CMSS1: variants seen among roughly 807,000 people sequenced by gnomAD.
CMSS1 encodes the protein protein CMSS1.
In CMSS1, 33 loss-of-function variants were observed where a neutral mutation model predicts 43.5. The observed-to-expected ratio is 0.76, with a 90% CI of 0.57 to 1.01. The LOEUF is 1.01. Among genes scored for constraint, CMSS1 ranks in the 50% least tolerant of loss-of-function variants. The pLI is 0.00. For missense variants in CMSS1, 313 were observed against 326.4 expected (o/e 0.96, Z 0.32); for synonymous variants, 115 against 117.2 (o/e 0.98, Z 0.12).
chr3:100,003,742 T>G lies in CMSS1; in HGVS notation c.65-143231T>G, dbSNP rs74480101. Reference sequence around the variant, plus strand: ...CTTGATCTAGTGTCTGCCTCTGTTGTTTGTTTACCCTTGAGATGCTAAAAG... The same window carrying G: ...CTTGATCTAGTGTCTGCCTCTGTTGGTTGTTTACCCTTGAGATGCTAAAAG... On this transcript the variant is annotated intron_variant, in intron 1 of 9. Transcript: ENST00000421999. 6.1e-3 allele frequency among the ~76,000 whole-genome samples: 934 copies of G among 152,292 alleles called. 6 individuals are homozygous for G. The highest frequency in any genetic ancestry group is 0.018 in the African/African-American group (740 of 41,562).
chr3:100,063,704 G>A (rs1163722862), intron 1 of CMSS1, among the ~76,000 whole-genome samples: 2 of 151,076 alleles, frequency 1.3e-5, no homozygotes, highest in African/African-American at 4.8e-5. Context: ...TGTGTGTTGG[G>A]TTTTTTTCTA....
intron 2 of CMSS1, among the ~76,000 whole-genome samples, chr3:100,157,243 A>G (rs965730651): frequency 2.6e-5 from 4 of 151,694 alleles, no homozygotes; most frequent in African/African-American, 7.3e-5. Flanking sequence ...ATTTGTTTTA[A>G]TGCTTAACTG....
intron 1 of CMSS1, chr3:99,848,871 C>T: frequency 6.2e-7 from 1 of 1,614,070 alleles, no homozygotes; most frequent in Non-Finnish European, 8.5e-7. Flanking sequence ...AGTTCGGTAT[C>T]ACTGCAGTAC....
intron 1 of CMSS1, among the ~76,000 whole-genome samples, chr3:99,971,164 C>A (rs561218866): frequency 6.6e-6 from 1 of 151,956 alleles, no homozygotes; most frequent in Non-Finnish European, 1.5e-5. Context: ...GGTGAAACCC[C>A]GTCTCTACTA....
intron 1 of CMSS1, among the ~76,000 whole-genome samples, chr3:100,042,805 TA>T (rs1201319171): frequency 6.6e-6 from 1 of 152,186 alleles, no homozygotes; most frequent in Non-Finnish European, 1.5e-5. Flanking sequence ...TTAAAGTTCC[TA>T]ACAATCGAGT....
At chr3:100,119,709 A>T (rs2066604317) in intron 1 of CMSS1, among the ~76,000 whole-genome samples, 1 of 152,242 alleles carries the variant, frequency 6.6e-6, no homozygotes, top group African/African-American at 2.4e-5. Context: ...GGTAAAAAAA[A>T]TAAGAAAATT....
intron 6 of CMSS1, among the ~76,000 whole-genome samples, chr3:100,170,220 G>T (rs2067098807): frequency 6.6e-6 from 1 of 152,090 alleles, no homozygotes; most frequent in Admixed American, 6.6e-5. Context: ...TCACTATTTT[G>T]CAAACTCATA....
At chr3:99,997,268 G>A (rs1017702217) in intron 1 of CMSS1, among the ~76,000 whole-genome samples, 2 of 152,090 alleles carry the variant, frequency 1.3e-5, no homozygotes, top group Non-Finnish European at 1.5e-5. Context: ...AATGATAAAA[G>A]GAGGCATTTT....
chr3:100,072,499 G>A (rs1351387414), intron 1 of CMSS1, among the ~76,000 whole-genome samples: 1 of 152,182 alleles, frequency 6.6e-6, no homozygotes, highest in Non-Finnish European at 1.5e-5. Flanking sequence ...CATCAACTGA[G>A]GCATTTGCAG....
chr3:99,850,581 G>A (rs781544113), intron 1 of CMSS1: 18 of 1,613,498 alleles, frequency 1.1e-5, no homozygotes, highest in Middle Eastern at 3.3e-4. Context: ...TGATACCAGC[G>A]TTTCCATATT....
rs560403059 is a variant in CMSS1, at chr3:100,032,365, G to A, written c.65-114608G>A. 1.1e-4 allele frequency among the ~76,000 whole-genome samples: 16 copies of A among 152,288 alleles called. No individual in the cohort carries two copies. In the South Asian group the frequency reaches 3.3e-3, roughly 32 times the overall value. ...GAAATGCAGGTTATAGCTGGCTTTA[G>A]AGAAGAAAAGTGGAAATAAGAAGAG... On this transcript the variant is annotated intron_variant, in intron 1 of 9. Coordinates refer to ENST00000421999, the MANE Select transcript of CMSS1 (RefSeq NM_032359.4).
At chr3:99,929,807 G>C in intron 1 of CMSS1, 2 of 1,394,846 alleles carry the variant, frequency 1.4e-6, no homozygotes, top group South Asian at 1.4e-5. Flanking sequence ...CATCTGCAGG[G>C]CTAGTGCTTG....
At chr3:99,885,972 G>T (rs1705881803) in intron 1 of CMSS1, among the ~76,000 whole-genome samples, 1 of 152,188 alleles carries the variant, frequency 6.6e-6, no homozygotes, top group Admixed American at 6.5e-5. Flanking sequence ...TGTGCATGAG[G>T]ATATTTCTGA....
At chr3:100,167,603 C>T (rs940950700) in intron 5 of CMSS1, 135 bp from the exon 6 acceptor site, 3 of 453,528 alleles carry the variant, frequency 6.6e-6, no homozygotes, top group Non-Finnish European at 1.2e-5. Context: ...AATTGAATTA[C>T]AATTGTAATT....
chr3:100,116,316 A>G (rs145584499), intron 1 of CMSS1, among the ~76,000 whole-genome samples: 18 of 152,338 alleles, frequency 1.2e-4, no homozygotes, highest in Admixed American at 1.0e-3. Flanking sequence ...GTTTATTTAT[A>G]TCAACATGAG....
At chr3:100,016,932 G>C (rs1445984887) in intron 1 of CMSS1, among the ~76,000 whole-genome samples, 1 of 152,110 alleles carries the variant, frequency 6.6e-6, no homozygotes, top group Non-Finnish European at 1.5e-5. Flanking sequence ...TCTAATTATA[G>C]TTCACAGCTT....
rs183498831 is a variant in CMSS1, at chr3:100,107,247, T to A, written c.65-39726T>A. 2.5e-3 allele frequency among the ~76,000 whole-genome samples: 382 copies of A among 152,276 alleles called. 4 individuals are homozygous for A. Among genetic ancestry groups the A allele is most frequent in the African/African-American group, 8.8e-3 (365 of 41,580 alleles). ...TGAACTGTCCAGATGTAGATGGGAATATAATAATAGAATTCTATGCTGAAA... is the reference window on the plus strand; with the variant it reads ...TGAACTGTCCAGATGTAGATGGGAAAATAATAATAGAATTCTATGCTGAAA... On this transcript the variant is annotated intron_variant, in intron 1 of 9. Coordinates refer to ENST00000421999, the MANE Select transcript of CMSS1 (RefSeq NM_032359.4).
intron 1 of CMSS1, among the ~76,000 whole-genome samples, chr3:99,871,910 A>C (rs1204124098): frequency 6.6e-6 from 1 of 151,986 alleles, no homozygotes; most frequent in Non-Finnish European, 1.5e-5. Flanking sequence ...AGCCTGATTA[A>C]ATTGTATTGA....
At position 99,971,162 on chromosome 3, in the gene CMSS1, C is replaced by G. The variant is rs1031271571; in HGVS notation, c.64+153119C>G. Among the ~76,000 whole-genome samples the G allele has an allele frequency of 8.5e-5, 13 of 152,138 alleles. No homozygotes were observed. The East Asian group carries it at 2.3e-3, about 27-fold the overall frequency. ...ACCATCCTGGCTAACATGGTGAAAC[C>G]CCGTCTCTACTAAAAATACAAAAAA... is the stretch of plus-strand genomic sequence containing the variant. On this transcript the variant is annotated intron_variant, in intron 1 of 9. Transcript: ENST00000421999.
Sources: gnomAD v4.1 joint callset for allele counts (sites outside exome capture counted in the v4.1 genomes callset) on GRCh38, gnomAD v4.1.1 for gene constraint, MANE v1.5 for transcripts, NCBI Gene and HGNC (gene_info 2026-07-23, HGNC 2026-07-21) for gene names.